Variants in DOCK2 observed in about 807,000 individuals in gnomAD.
The protein encoded by DOCK2 is dedicator of cytokinesis 2, also known as dedicator of cytokinesis protein 2.
In DOCK2, 87 loss-of-function variants were observed where a neutral mutation model predicts 248.9. The ratio of observed to expected loss-of-function variants is 0.35; its 90% confidence interval spans 0.29 to 0.42. DOCK2 has a LOEUF of 0.42. Among genes scored for constraint, DOCK2 ranks in the 10% least tolerant of loss-of-function variants. The probability of loss-of-function intolerance (pLI) is 1.00; values close to 1 mark genes in which losing one functional copy is unlikely to be tolerated. For synonymous variants in DOCK2, 805 were observed against 821.6 expected (o/e 0.98, Z 0.35); for missense variants, 1,747 against 2,300.2 (o/e 0.76, Z 4.92).
chr5:170,010,377 A>T (rs1257977887), intron 32 of DOCK2, among the ~76,000 whole-genome samples: 3 of 152,080 alleles, frequency 2.0e-5, no homozygotes, highest in Non-Finnish European at 4.4e-5. Flanking sequence ...TTCATTTACC[A>T]TTGCTTTGCA....
chr5:169,991,451 C>T (rs912427841), intron 29 of DOCK2, among the ~76,000 whole-genome samples: 5 of 152,260 alleles, frequency 3.3e-5, no homozygotes, highest in Non-Finnish European at 5.9e-5. Context: ...ATGGAATCAT[C>T]TGCCCATGGC....
intron 44 of DOCK2, among the ~76,000 whole-genome samples, chr5:170,058,634 C>T (rs1757220027): frequency 6.6e-6 from 1 of 152,102 alleles, no homozygotes; most frequent in South Asian, 2.1e-4. Flanking sequence ...ATGCTTGTGT[C>T]CAGATCAGAA....
chr5:169,702,119 C>A, intron 13 of DOCK2, 184 bp from the exon 14 acceptor site: 1 of 528,382 alleles, frequency 1.9e-6, no homozygotes, highest in African/African-American at 1.9e-5. Flanking sequence ...TCCCTTCATC[C>A]CCGTGTTACC....
chr5:169,794,576 T>C (rs1344795374), intron 25 of DOCK2, among the ~76,000 whole-genome samples: 3 of 152,224 alleles, frequency 2.0e-5, no homozygotes, highest in Middle Eastern at 3.2e-3. Flanking sequence ...TTTCAAATTA[T>C]ATTTATAATC....
rs532554923 is a variant in DOCK2 at position 169,789,561 on chromosome 5, A to T, written c.2555-13497A>T. The stretch of plus-strand genomic sequence containing the variant: ...CATTACATGTCTTTAACTGATATTT[A>T]TTATCTTTATTTCCTCCCATCTCAT... On this transcript the variant is annotated intron_variant, in intron 25 of 51. Coordinates refer to ENST00000520908, the MANE Select transcript of DOCK2 (RefSeq NM_004946.3). Among the ~76,000 whole-genome samples the T allele has an allele frequency of 5.3e-4, 81 of 152,234 alleles. 1 individual carries two copies. Among genetic ancestry groups the T allele is most frequent in the Non-Finnish European group, 1.1e-3 (72 of 68,006 alleles).
At chr5:169,979,857 GT>G (rs774093458) in intron 27 of DOCK2, among the ~76,000 whole-genome samples, 1 of 152,044 alleles carries the variant, frequency 6.6e-6, no homozygotes, top group Non-Finnish European at 1.5e-5. Flanking sequence ...AAAGATAATG[GT>G]TTTTTTCATA....
intron 15 of DOCK2, 135 bp downstream of exon 15, chr5:169,708,402 T>G: frequency 1.1e-6 from 1 of 921,592 alleles, no homozygotes; most frequent in Non-Finnish European, 1.6e-6. Flanking sequence ...TTTCCTTCAT[T>G]TTATAGTTGA....
At chr5:169,975,216 T>C (rs1777674207) in intron 27 of DOCK2, among the ~76,000 whole-genome samples, 1 of 152,190 alleles carries the variant, frequency 6.6e-6, no homozygotes, top group Non-Finnish European at 1.5e-5. Flanking sequence ...TAAAACATAA[T>C]TTGTGCTTTT....
intron 27 of DOCK2, among the ~76,000 whole-genome samples, chr5:169,911,581 A>G (rs1397305906): frequency 6.6e-6 from 1 of 152,226 alleles, no homozygotes; most frequent in African/African-American, 2.4e-5. Context: ...TTATGAGGAC[A>G]TAATACCCTT....
chr5:170,046,618 A>C (rs1395965529), intron 39 of DOCK2, among the ~76,000 whole-genome samples: 1 of 152,214 alleles, frequency 6.6e-6, no homozygotes, highest in African/African-American at 2.4e-5. Flanking sequence ...TGATCTTGTT[A>C]AAAACAGCTG....
At chr5:169,987,611 A>C (rs1330256935) in intron 29 of DOCK2, among the ~76,000 whole-genome samples, 1 of 152,164 alleles carries the variant, frequency 6.6e-6, no homozygotes, top group Non-Finnish European at 1.5e-5. Context: ...GTCCCATGGG[A>C]GTGCTTTGAA....
chr5:169,967,719 C>T (rs953071138), intron 27 of DOCK2, among the ~76,000 whole-genome samples: 6 of 152,096 alleles, frequency 3.9e-5, no homozygotes, highest in Admixed American at 2.6e-4. Context: ...GCAGGGGGTG[C>T]GTTTAGGAGG....
At chr5:169,918,050 T>A (rs1774972222) in intron 27 of DOCK2, among the ~76,000 whole-genome samples, 1 of 152,236 alleles carries the variant, frequency 6.6e-6, no homozygotes, top group South Asian at 2.1e-4. Flanking sequence ...AGGATTAGCA[T>A]AAACTTCTGA....
rs1756892097 is a variant in DOCK2 at position 169,637,502 on chromosome 5, GGCGGGGCCTCGGGGCGGGAAA to G, written c.43+136_43+156del. The stretch of plus-strand genomic sequence containing the variant: ...CTGCAGGTCAGAGGGCGCAGCCTGC[GGCGGGGCCTCGGGGCGGGAAA>G]GCCGAGGCTCGGGGAGAGGACGGCG... On this transcript the variant is annotated intron_variant, in intron 1 of 51. Transcript: ENST00000520908. 5 of 1,070,534 alleles carry G rather than the reference GGCGGGGCCTCGGGGCGGGAAA, an allele frequency of 4.7e-6. No homozygotes were observed. The East Asian group carries it at 1.7e-4, about 36-fold the overall frequency. The allele number at this position is 1,070,534 out of a possible 1,614,324, so 66.3% of individuals were successfully genotyped here. A position where few individuals can be genotyped will look rare whatever the true frequency, so the allele number is the denominator to read the frequency against.
chr5:169,935,461 G>A (rs1775944580), intron 27 of DOCK2, among the ~76,000 whole-genome samples: 1 of 152,142 alleles, frequency 6.6e-6, no homozygotes, highest in South Asian at 2.1e-4. Flanking sequence ...CAACTTAATG[G>A]TGGAGTTCGG....
chr5:169,887,624 A>T (rs1445632224), intron 27 of DOCK2, among the ~76,000 whole-genome samples: 1 of 152,214 alleles, frequency 6.6e-6, no homozygotes, highest in East Asian at 1.9e-4. Flanking sequence ...TTTAAATAGT[A>T]TTTTTGTGGA....
chr5:169,914,487 T>C (rs1774770820), intron 27 of DOCK2, among the ~76,000 whole-genome samples: 1 of 152,210 alleles, frequency 6.6e-6, no homozygotes, highest in Admixed American at 6.5e-5. Context: ...GGATTGATTA[T>C]TGGAGAACTC....
At chr5:169,967,231 A>G (rs1453808448) in intron 27 of DOCK2, among the ~76,000 whole-genome samples, 2 of 152,218 alleles carry the variant, frequency 1.3e-5, no homozygotes, top group African/African-American at 4.8e-5. Flanking sequence ...GAGGGCCCTG[A>G]CCACAGCTAG....
chr5:169,782,437 C>G (rs552612776), intron 25 of DOCK2, among the ~76,000 whole-genome samples: 35 of 151,842 alleles, frequency 2.3e-4, no homozygotes, highest in Middle Eastern at 3.5e-3. Flanking sequence ...TAAAGCTGAC[C>G]AGTTACTCCT....
Sources: gnomAD v4.1 joint callset for allele counts (sites outside exome capture counted in the v4.1 genomes callset) on GRCh38, gnomAD v4.1.1 for gene constraint, MANE v1.5 for transcripts, NCBI Gene and HGNC (gene_info 2026-07-23, HGNC 2026-07-21) for gene names.